Variants in KMT2E observed in about 807,000 individuals in gnomAD.
KMT2E encodes the protein histone reader KMT2E.
Under a neutral mutation model 184.6 loss-of-function variants are expected in KMT2E, and 30 were observed. The ratio of observed to expected loss-of-function variants is 0.16; its 90% confidence interval spans 0.12 to 0.22. The LOEUF (loss-of-function observed/expected upper bound fraction) is 0.22, where lower values mean the gene tolerates loss of function less well. Among genes scored for constraint, KMT2E ranks in the 10% least tolerant of loss-of-function variants. The pLI is 1.00. For synonymous variants in KMT2E, 815 were observed against 776.5 expected (o/e 1.05, Z -0.82); for missense variants, 2,023 against 2,237.4 (o/e 0.90, Z 1.93).
chr7:105,091,664 T>C (rs1024643456), intron 15 of KMT2E: 7 of 364,260 alleles, frequency 1.9e-5, no homozygotes, highest in African/African-American at 1.3e-4. Flanking sequence ...ATTTGAAATA[T>C]AATAAAAGTA....
chr7:105,073,231 T>C (rs1466313723), intron 6 of KMT2E, among the ~76,000 whole-genome samples: 2 of 151,794 alleles, frequency 1.3e-5, no homozygotes, highest in African/African-American at 4.8e-5. Flanking sequence ...AACCCATCTC[T>C]ACAAAAAATT....
intron 15 of KMT2E, among the ~76,000 whole-genome samples, chr7:105,099,233 T>C (rs1026685836): frequency 6.6e-6 from 1 of 152,224 alleles, no homozygotes; most frequent in Non-Finnish European, 1.5e-5. Context: ...CTTACCCAGC[T>C]GTAGTAATGT....
chr7:105,048,606 T>C (rs914651981), intron 3 of KMT2E, among the ~76,000 whole-genome samples: 50 of 152,334 alleles, frequency 3.3e-4, no homozygotes, highest in African/African-American at 1.1e-3. Context: ...AATCCTCTTT[T>C]ACTTGCCTAA....
At chr7:105,100,865 C>T (rs1043903251) in intron 15 of KMT2E, among the ~76,000 whole-genome samples, 1 of 152,104 alleles carries the variant, frequency 6.6e-6, no homozygotes, top group African/African-American at 2.4e-5. Context: ...AGAGAACAAG[C>T]TTTGGAAAGG....
chr7:105,112,127 C>T lies in KMT2E; in HGVS notation c.4371C>T (p.His1457=), dbSNP rs777676737. 1 of 1,614,176 alleles carries T rather than the reference C, an allele frequency of 6.2e-7. No individual in the cohort carries two copies. The highest frequency in any genetic ancestry group is 2.2e-5 in the East Asian group (1 of 44,886). ...LENPPKSSTP[H]TPVQHGYLSP... ...ATCCTCCAAAGTCATCCACGCCTCA[C>T]ACACCTGTACAGCATGGTTATCTTT... Residue 1457 remains histidine (H), a synonymous_variant, in exon 27 of 27, where the codon CAC becomes CAT. Transcript: ENST00000311117.
intron 12 of KMT2E, among the ~76,000 whole-genome samples, chr7:105,080,840 A>G (rs1562914092): frequency 6.6e-6 from 1 of 151,914 alleles, no homozygotes; most frequent in Non-Finnish European, 1.5e-5. Flanking sequence ...GTGAAACCCC[A>G]TCCCTACTAA....
rs1394255690 is a variant in KMT2E, at chr7:105,040,844, G to C, written c.-109G>C. ...TCTCCTTTTCTTTTAAACAGGGTTTGTGGATGCACTTAGATGTTTGCAATG... is the reference window on the plus strand; with the variant it reads ...TCTCCTTTTCTTTTAAACAGGGTTTCTGGATGCACTTAGATGTTTGCAATG... On this transcript the variant is annotated 5_prime_UTR_variant, in exon 3 of 27. Coordinates refer to ENST00000311117, the MANE Select transcript of KMT2E (RefSeq NM_182931.3). The C allele has an allele frequency of 1.6e-6, 1 of 637,098 alleles. No individual in the cohort carries two copies. Among genetic ancestry groups the C allele is most frequent in the Non-Finnish European group, 2.8e-6 (1 of 361,216 alleles). The allele number at this position is 637,098 out of a possible 1,614,324, so 39.5% of individuals were successfully genotyped here.
At chr7:105,039,485 G>A (rs1157418305) in intron 2 of KMT2E, among the ~76,000 whole-genome samples, 3 of 152,118 alleles carry the variant, frequency 2.0e-5, no homozygotes, top group African/African-American at 7.2e-5. Flanking sequence ...ATAAAAAACA[G>A]TGTTTCTTCA....
intron 13 of KMT2E, among the ~76,000 whole-genome samples, chr7:105,086,888 TATAGC>T (rs1797989292): frequency 9.0e-6 from 1 of 110,678 alleles, no homozygotes; most frequent in African/African-American, 4.6e-5. Context: ...TGCTATATAT[TATAGC>T]ATATATATTA....
chr7:105,042,336 T>G (rs539835674), intron 3 of KMT2E, among the ~76,000 whole-genome samples: 2 of 150,936 alleles, frequency 1.3e-5, no homozygotes, highest in South Asian at 4.2e-4. Flanking sequence ...TTCATTTGTT[T>G]CGTACTTAAT....
At chr7:105,045,178 A>C (rs986312538) in intron 3 of KMT2E, among the ~76,000 whole-genome samples, 2 of 152,216 alleles carry the variant, frequency 1.3e-5, no homozygotes, top group Non-Finnish European at 2.9e-5. Context: ...CCATGCTACC[A>C]TCACATTAAG....
intron 1 of KMT2E, among the ~76,000 whole-genome samples, chr7:105,032,880 C>T (rs1795484988): frequency 2.0e-5 from 3 of 152,210 alleles, no homozygotes; most frequent in Non-Finnish European, 4.4e-5. Context: ...AAATATTCTA[C>T]TCAATATGTC....
At chr7:105,083,503 G>T (rs562682649) in intron 13 of KMT2E, among the ~76,000 whole-genome samples, 81 of 152,282 alleles carry the variant, frequency 5.3e-4, no homozygotes, top group African/African-American at 1.8e-3. Flanking sequence ...CAGAAAAAGG[G>T]TTCTCCTCCA....
chr7:105,108,779 A>G (rs1799025782), intron 22 of KMT2E, 163 bp from the exon 23 acceptor site: 1 of 623,674 alleles, frequency 1.6e-6, no homozygotes, highest in South Asian at 2.1e-5. Flanking sequence ...AATGCCTGGA[A>G]TATAGTAGGC....
At position 105,110,631 on chromosome 7, in the gene KMT2E, T is replaced by C. The variant is rs143759481; in HGVS notation, c.3970+29T>C. 249 of 1,613,454 alleles carry C rather than the reference T, an allele frequency of 1.5e-4. 1 individual carries two copies. The African/African-American group carries it at 2.7e-3, about 18-fold the overall frequency. ...AGTAAGCAGATGACCGATAATGTTA[T>C]TCTTAACAAATTTTAAAATCAGACA... On this transcript the variant is annotated intron_variant, in intron 25 of 26. Transcript: ENST00000311117.
chr7:105,061,353 A>T (rs182691501), intron 3 of KMT2E, among the ~76,000 whole-genome samples: 1 of 152,340 alleles, frequency 6.6e-6, no homozygotes, highest in Non-Finnish European at 1.5e-5. Flanking sequence ...ATAGTTTTGT[A>T]AAATAAAGGC....
Position 105,110,316 on chromosome 7 carries a change from G to A in KMT2E, c.3792G>A (p.Arg1264=), listed in dbSNP as rs1047242159. 1.5e-5 allele frequency: 24 copies of A among 1,614,008 alleles called. No individual in the cohort carries two copies. Among genetic ancestry groups the A allele is most frequent in the African/African-American group, 2.7e-5 (2 of 74,910 alleles). Residue 1264 remains arginine, a synonymous_variant, in exon 24 of 27, where the codon AGG becomes AGA. Transcript: ENST00000311117. The part of the protein sequence containing the change: ...ASTSVEQVRE[R]SYQRALLLSD... Reference sequence around the variant, plus strand: ...CTTCAGTGGAACAAGTCAGAGAAAGGAGTTATCAGAGAGCTTTACTTCTCA... The same window carrying A: ...CTTCAGTGGAACAAGTCAGAGAAAGAAGTTATCAGAGAGCTTTACTTCTCA...
At position 105,110,989 on chromosome 7, in the gene KMT2E, C is replaced by CT. The variant is rs1799225214; in HGVS notation, c.4068+125dup. 6 of 673,924 alleles carry CT rather than the reference C, an allele frequency of 8.9e-6. No individual in the cohort carries two copies. The East Asian group carries it at 1.6e-4, about 18-fold the overall frequency. The allele number at this position is 673,924 out of a possible 1,614,324, so 41.7% of individuals were successfully genotyped here. ...AGTATCAACTTGTGACTTCTGGACA[C>CT]TTTTCCTGTCAGAAATACTCAATTG... On this transcript the variant is annotated intron_variant, in intron 26 of 26. Transcript: ENST00000311117.
chr7:105,071,608 A>ATTTTTTTT (rs869055986), intron 6 of KMT2E, among the ~76,000 whole-genome samples: 3 of 31,880 alleles, frequency 9.4e-5, no homozygotes, highest in Non-Finnish European at 1.6e-4. Context: ...ATATATATAT[A>ATTTTTTTT]TTTTTTTTTT....
Sources: allele counts gnomAD v4.1 joint callset (sites outside exome capture counted in the v4.1 genomes callset), GRCh38; gene constraint gnomAD v4.1.1; transcripts MANE v1.5; gene names NCBI Gene and HGNC (gene_info 2026-07-23, HGNC 2026-07-21).